Variants in EPB41 observed in about 807,000 individuals in gnomAD.
EPB41 encodes the protein erythrocyte membrane protein band 4.1.
In EPB41, 65 loss-of-function variants were observed where a neutral mutation model predicts 108.0. That is an observed-to-expected ratio of 0.60 (90% CI 0.49 to 0.74). The LOEUF is 0.74. Among genes scored for constraint, EPB41 ranks in the 30% least tolerant of loss-of-function variants. EPB41 has a pLI of 0.00. For missense variants in EPB41, 875 were observed against 1,037.0 expected, an observed-to-expected ratio of 0.84 and a Z score of 2.15; for synonymous variants, 336 against 358.9, an observed-to-expected ratio of 0.94 and a Z score of 0.72.
intron 1 of EPB41, among the ~76,000 whole-genome samples, chr1:28,971,831 A>C (rs796826931): frequency 9.2e-5 from 14 of 152,344 alleles, no homozygotes; most frequent in African/African-American, 3.1e-4. Flanking sequence ...AGATTTAAAA[A>C]ATGAAACAAG....
At chr1:29,113,932 A>G (rs1670036341) in intron 19 of EPB41, among the ~76,000 whole-genome samples, 1 of 152,164 alleles carries the variant, frequency 6.6e-6, no homozygotes, top group Non-Finnish European at 1.5e-5. Flanking sequence ...GGGCGGAGGC[A>G]GAGTCACAAA....
At position 29,018,544 on chromosome 1, in the gene EPB41, TAGAA is replaced by T. The variant is rs1420024941; in HGVS notation, c.1124+106_1124+109del. 3 of 1,190,158 alleles carry T rather than the reference TAGAA, an allele frequency of 2.5e-6. No homozygotes were observed. The highest frequency in any genetic ancestry group is 3.7e-6 in the Non-Finnish European group (3 of 802,470). The allele number at this position is 1,190,158 out of a possible 1,614,324, so 73.7% of individuals were successfully genotyped here. ...TTGCCTAAGAGGGATCATGGTGCCATAGAAAGAGTCAGTTTCCTCCACTGTTTGA... is the reference window on the plus strand; with the variant it reads ...TTGCCTAAGAGGGATCATGGTGCCATAGAGTCAGTTTCCTCCACTGTTTGA... On this transcript the variant is annotated intron_variant, in intron 7 of 20. Transcript: ENST00000343067. The surrounding 1 kb of genome is among the most constrained non-coding windows in gnomAD (Gnocchi z 4.4).
At chr1:28,945,004 T>C (rs1284885281) in intron 1 of EPB41, among the ~76,000 whole-genome samples, 1 of 150,552 alleles carries the variant, frequency 6.6e-6, no homozygotes, top group African/African-American at 2.4e-5. Context: ...GGTGGGAGGA[T>C]CACTTGAATC....
chr1:29,031,306 C>T (rs2096787044), intron 8 of EPB41, among the ~76,000 whole-genome samples: 1 of 152,204 alleles, frequency 6.6e-6, no homozygotes, highest in Non-Finnish European at 1.5e-5. Flanking sequence ...GCAGCAAGTC[C>T]TGTTTCACAG....
rs1459887244 is a variant in EPB41, at chr1:29,118,976, C to T, written c.*2164C>T. Reference sequence around the variant, plus strand: ...AAGAGGATGGGGAAAAGGCAGAGGGCACTGAGTGTCCCTTTAAAAACTAAC... The same window carrying T: ...AAGAGGATGGGGAAAAGGCAGAGGGTACTGAGTGTCCCTTTAAAAACTAAC... On this transcript the variant is annotated 3_prime_UTR_variant, in exon 21 of 21. Transcript: ENST00000343067. 6.6e-6 allele frequency: 1 copy of T among 152,306 alleles called. No homozygotes were observed. The highest frequency in any genetic ancestry group is 2.4e-5 in the African/African-American group (1 of 41,456). 9.4% of individuals were successfully genotyped at this position (152,306 alleles called of 1,614,324 possible).
chr1:28,920,133 A>G (rs927512122), intron 1 of EPB41, among the ~76,000 whole-genome samples: 1 of 152,214 alleles, frequency 6.6e-6, no homozygotes, highest in Non-Finnish European at 1.5e-5. Flanking sequence ...GATGGAATGG[A>G]TAAGAAATAT....
At chr1:28,985,720 G>A (rs1429372766) in intron 1 of EPB41, 4 of 152,162 alleles carry the variant, frequency 2.6e-5, no homozygotes, top group Non-Finnish European at 5.9e-5. Context: ...GGCTTGTCTG[G>A]TGCAGTGGTG....
intron 16 of EPB41, chr1:29,096,254 C>T: frequency 9.1e-6 from 9 of 985,816 alleles, no homozygotes; most frequent in Non-Finnish European, 1.1e-5. Context: ...TTCGGTAGTT[C>T]CTAGTAAAAG....
intron 1 of EPB41, among the ~76,000 whole-genome samples, chr1:28,918,534 T>C (rs2092848343): frequency 2.0e-5 from 3 of 152,252 alleles, no homozygotes; most frequent in African/African-American, 7.2e-5. Flanking sequence ...ACTTTGTTTT[T>C]TTCCTCTAAA....
intron 17 of EPB41, among the ~76,000 whole-genome samples, chr1:29,104,614 C>A (rs1190533224): frequency 6.6e-6 from 1 of 151,776 alleles, no homozygotes; most frequent in Non-Finnish European, 1.5e-5. Flanking sequence ...GACGGAGTCT[C>A]GCTCTGTCAC....
At chr1:29,102,993 G>A (rs1289765620) in intron 17 of EPB41, among the ~76,000 whole-genome samples, 3 of 152,008 alleles carry the variant, frequency 2.0e-5, no homozygotes, top group Non-Finnish European at 2.9e-5. Flanking sequence ...GGCTGGTCTC[G>A]AACTCCTGAC....
rs1410843283 is a variant in EPB41, at chr1:28,901,345, C to T, written c.-8+14135C>T. 3.4e-5 allele frequency among the ~76,000 whole-genome samples: 5 copies of T among 149,116 alleles called. 1 individual carries two copies. The East Asian group carries it at 6.3e-4, about 19-fold the overall frequency. On this transcript the variant is annotated intron_variant, in intron 1 of 16. Transcript: ENST00000347529. ...GTTCAAGTGATTCTCCTGCCTCAGC[C>T]TCCTGAGTAGCTGGGACTACAGGCG...
At chr1:28,977,601 G>A (rs1297484129) in intron 1 of EPB41, among the ~76,000 whole-genome samples, 3 of 152,046 alleles carry the variant, frequency 2.0e-5, no homozygotes, top group South Asian at 4.1e-4. Flanking sequence ...ACCTCTTTCT[G>A]ACATTAAGTA....
chr1:28,929,263 T>A (rs2093608621), intron 1 of EPB41, among the ~76,000 whole-genome samples: 1 of 151,712 alleles, frequency 6.6e-6, no homozygotes, highest in South Asian at 2.1e-4. Flanking sequence ...TCTTGCTCTG[T>A]CGCCCAGGCT....
intron 14 of EPB41, 51 bp from the exon 15 acceptor site, chr1:29,060,371 A>G: frequency 6.3e-7 from 1 of 1,582,182 alleles, no homozygotes; most frequent in Non-Finnish European, 8.7e-7. Context: ...CCGCAAGAAC[A>G]ACATTTTAAT....
intron 1 of EPB41, among the ~76,000 whole-genome samples, chr1:28,978,237 T>C (rs1484534674): frequency 2.0e-5 from 3 of 151,578 alleles, no homozygotes; most frequent in Non-Finnish European, 4.4e-5. Flanking sequence ...CTCAATTCTG[T>C]ACTCATAGAT....
chr1:28,952,395 G>A (rs532910934), intron 1 of EPB41, among the ~76,000 whole-genome samples: 21 of 151,938 alleles, frequency 1.4e-4, no homozygotes, highest in Non-Finnish European at 2.1e-4. Context: ...GCATGGTGGC[G>A]CCTGCCTTTA....
chr1:28,889,291 C>T lies in EPB41; in HGVS notation c.-8+2081C>T, dbSNP rs77988286. Among the ~76,000 whole-genome samples, 63 of 152,254 alleles carry T rather than the reference C, an allele frequency of 4.1e-4. 1 individual carries two copies. The East Asian group carries it at 0.011, about 27-fold the overall frequency. Reference sequence around the variant, plus strand: ...TGGAGTGGGGAAGTCCTGAGGTTTCCGCTGTATGTATAGGAGAGCCAGGCA... The same window carrying T: ...TGGAGTGGGGAAGTCCTGAGGTTTCTGCTGTATGTATAGGAGAGCCAGGCA... On this transcript the variant is annotated intron_variant, in intron 1 of 16. Transcript: ENST00000347529.
chr1:28,992,653 C>A (rs1395674203), intron 2 of EPB41, among the ~76,000 whole-genome samples: 2 of 152,210 alleles, frequency 1.3e-5, no homozygotes, highest in Admixed American at 6.5e-5. Flanking sequence ...CGCGCCACTG[C>A]ACTCCAGCCT....
Sources: gnomAD v4.1 joint callset for allele counts (sites outside exome capture counted in the v4.1 genomes callset) on GRCh38, gnomAD v4.1.1 for gene constraint, Gnocchi (gnomAD v3.1) non-coding constraint, MANE v1.5 for transcripts, NCBI Gene and HGNC (gene_info 2026-07-23, HGNC 2026-07-21) for gene names.